The following SLC26A9 variants were observed in gnomAD, a reference collection of about 807,000 sequenced individuals.
The protein encoded by SLC26A9 is anion transporter/exchanger protein 9.
A neutral mutation model predicts 87.1 loss-of-function variants in SLC26A9; 46 were observed. The ratio of observed to expected loss-of-function variants is 0.53; its 90% confidence interval spans 0.42 to 0.67. The LOEUF (loss-of-function observed/expected upper bound fraction) is 0.67. Ranked by LOEUF, SLC26A9 falls within the 30% of genes least tolerant of loss-of-function variation. The probability of loss-of-function intolerance (pLI) is 0.00; values close to 1 mark genes in which losing one functional copy is unlikely to be tolerated. For synonymous variants in SLC26A9, 437 were observed against 409.1 expected, an observed-to-expected ratio of 1.07 and a Z score of -0.82; for missense variants, 927 against 1,018.3, an observed-to-expected ratio of 0.91 and a Z score of 1.22.
intron 1 of SLC26A9, among the ~76,000 whole-genome samples, chr1:205,942,938 G>A (rs1168302447): frequency 6.6e-6 from 1 of 152,234 alleles, no homozygotes; most frequent in Non-Finnish European, 1.5e-5. Flanking sequence ...AGACAGCCAT[G>A]CAGAGTAGGC....
rs889976601 is a variant in SLC26A9, at chr1:205,913,997, G to C, written c.*1360C>G. ...GATGAGAGGCCAGAAGATTTTCTGT[G>C]CATTTCCACTGAAATTTTACAAAAC... On this transcript the variant is annotated 3_prime_UTR_variant, in exon 21 of 21. Coordinates refer to ENST00000367135, the MANE Select transcript of SLC26A9 (RefSeq NM_052934.4). 3.3e-5 allele frequency: 5 copies of C among 152,172 alleles called. No individual in the cohort carries two copies. Among genetic ancestry groups the C allele is most frequent in the African/African-American group, 1.2e-4 (5 of 41,432 alleles). The allele number at this position is 152,172 out of a possible 1,614,324, so 9.4% of individuals were successfully genotyped here. A position where few individuals can be genotyped will look rare whatever the true frequency, so the allele number is the denominator to read the frequency against.
chr1:205,915,400 A>C lies in SLC26A9; in HGVS notation c.2333T>G (p.Met778Arg). 1 of 1,613,994 alleles carries C rather than the reference A, an allele frequency of 6.2e-7. No individual in the cohort carries two copies. The highest frequency in any genetic ancestry group is 2.2e-5 in the East Asian group (1 of 44,870). ...CTCTGCGTGAAACATGCTCCCGAAC[A>C]TCTCCTGCAGGAACCACAGGAAGGA... Reference protein sequence around the residue: ...IRSYWDLEQEMFGSMFHAETL... With the variant: ...IRSYWDLEQERFGSMFHAETL... The change falls in exon 21 of 21, where the codon ATG becomes AGG. Residue 778 changes from methionine to arginine, a missense_variant. Met to Arg is a moderately conservative substitution (Grantham distance 91). Coordinates refer to ENST00000367135, the MANE Select transcript of SLC26A9 (RefSeq NM_052934.4).
At chr1:205,926,758 C>A in intron 11 of SLC26A9, 128 bp from the exon 12 acceptor site, 1 of 756,712 alleles carries the variant, frequency 1.3e-6, no homozygotes, top group South Asian at 1.6e-5. Flanking sequence ...GGCTGATCCC[C>A]CAAATCTCTG....
chr1:205,928,681 C>A, intron 8 of SLC26A9, 146 bp downstream of exon 8: 1 of 736,870 alleles, frequency 1.4e-6, no homozygotes, highest in East Asian at 2.7e-5. Flanking sequence ...TCTCAGGAAA[C>A]GGTAATAGTA....
rs554588862 is a variant in SLC26A9 at position 205,928,055 on chromosome 1, G to A, written c.954-6C>T. 5.4e-5 allele frequency: 87 copies of A among 1,612,974 alleles called. 1 individual carries two copies. The South Asian group carries it at 8.7e-4, about 16-fold the overall frequency. On this transcript the variant is annotated splice_region_variant and splice_polypyrimidine_tract_variant and intron_variant, in intron 8 of 20. Transcript: ENST00000367135. ...GCGACACCGGGGTGGGGAACCTGCC[G>A]AGGAGCCAGGAAGGAGGCAGAACCC...
chr1:205,936,718 A>T (rs982494710), intron 1 of SLC26A9, among the ~76,000 whole-genome samples: 3 of 151,710 alleles, frequency 2.0e-5, no homozygotes, highest in Non-Finnish European at 4.4e-5. Flanking sequence ...AGAGATGGGG[A>T]AGGCTTAGAG....
intron 5 of SLC26A9, among the ~76,000 whole-genome samples, chr1:205,930,726 G>A (rs1282830107): frequency 1.3e-5 from 2 of 152,088 alleles, no homozygotes; most frequent in Admixed American, 6.5e-5. Flanking sequence ...CTTTGCCTGC[G>A]CAGATCACAC....
At chr1:205,936,660 T>C (rs1166693178) in intron 1 of SLC26A9, among the ~76,000 whole-genome samples, 1 of 151,864 alleles carries the variant, frequency 6.6e-6, no homozygotes, top group East Asian at 1.9e-4. Flanking sequence ...CTCCCAGAGC[T>C]GGGAGAAGTT....
intron 2 of SLC26A9, among the ~76,000 whole-genome samples, chr1:205,934,561 ACATTCATT>A: frequency 6.6e-6 from 1 of 152,220 alleles, no homozygotes; most frequent in East Asian, 1.9e-4. Context: ...AGCTTTCTAG[ACATTCATT>A]CATTCATTCA....
At chr1:205,938,987 C>G (rs1659630421) in intron 1 of SLC26A9, among the ~76,000 whole-genome samples, 1 of 152,222 alleles carries the variant, frequency 6.6e-6, no homozygotes, top group Admixed American at 6.5e-5. Context: ...GGAGTCCCCT[C>G]TGACACAGGC....
At chr1:205,929,173 C>A in intron 7 of SLC26A9, 31 bp downstream of exon 7, 2 of 1,597,612 alleles carry the variant, frequency 1.3e-6, no homozygotes, top group South Asian at 1.1e-5. Flanking sequence ...GCCTGGCCCC[C>A]CAACATCCCA....
In SLC26A9 at chr1:205,932,757, G is replaced by A. The variant is rs777792194; in HGVS notation, c.321C>T (p.Ser107=). 2.5e-6 allele frequency: 4 copies of A among 1,599,940 alleles called. No individual in the cohort carries two copies. The highest frequency in any genetic ancestry group is 1.1e-5 in the South Asian group (1 of 87,846). ...AGAAGTAGGTCAGGAGGGGGAAGAA[G>A]GAGGAGTAGAGGCCATTGACTGCAG... ...NLPAVNGLYS[S]FFPLLTYFFL... Residue 107 remains serine (S), a synonymous_variant, in exon 4 of 21, where the codon TCC becomes TCT. Coordinates refer to ENST00000367135, the MANE Select transcript of SLC26A9 (RefSeq NM_052934.4).
Position 205,932,745 on chromosome 1 carries a change from G to A in SLC26A9, c.333C>T (p.Leu111=), listed in dbSNP as rs942832733. 2 of 1,597,134 alleles carry A rather than the reference G, an allele frequency of 1.3e-6. No individual in the cohort carries two copies. Among genetic ancestry groups the A allele is most frequent in the African/African-American group, 2.7e-5 (2 of 74,510 alleles). The change falls in exon 4 of 21, where the codon CTC becomes CTT. Residue 111 remains leucine (L), a synonymous_variant. Transcript: ENST00000367135. ...CACCCCCCAGGAAGAAGTAGGTCAGGAGGGGGAAGAAGGAGGAGTAGAGGC... is the reference window on the plus strand; with the variant it reads ...CACCCCCCAGGAAGAAGTAGGTCAGAAGGGGGAAGAAGGAGGAGTAGAGGC... ...VNGLYSSFFP[L]LTYFFLGGVH...
At chr1:205,931,714 T>C (rs1659314844) in intron 5 of SLC26A9, 146 bp downstream of exon 5, 5 of 1,085,264 alleles carry the variant, frequency 4.6e-6, no homozygotes, top group Non-Finnish European at 6.4e-6. Context: ...TGATCCACCC[T>C]CCTCAGCCTC....
intron 20 of SLC26A9, among the ~76,000 whole-genome samples, chr1:205,916,249 A>G (rs1402964661): frequency 6.6e-6 from 1 of 152,166 alleles, no homozygotes; most frequent in African/African-American, 2.4e-5. Flanking sequence ...GGCATGCACC[A>G]CTACGCCTGG....
chr1:205,935,523 G>A (rs963124480), intron 2 of SLC26A9, 173 bp downstream of exon 2: 27 of 970,876 alleles, frequency 2.8e-5, no homozygotes, highest in Non-Finnish European at 3.8e-5. Flanking sequence ...CCTCCCTGGG[G>A]GTCTCAGTAC....
intron 16 of SLC26A9, 105 bp downstream of exon 16, chr1:205,922,977 C>T (rs1658903447): frequency 2.2e-6 from 2 of 926,850 alleles, no homozygotes; most frequent in South Asian, 1.4e-5. Flanking sequence ...CTGTCTTTGC[C>T]TGTCAGGGTG....
chr1:205,932,130 G>T, intron 4 of SLC26A9, 95 bp from the exon 5 acceptor site: 1 of 1,452,420 alleles, frequency 6.9e-7, no homozygotes, highest in Non-Finnish European at 9.4e-7. Flanking sequence ...ACCCCAGGGG[G>T]ATGGATCCCT....
chr1:205,942,348 G>A (rs1401622447), intron 1 of SLC26A9, among the ~76,000 whole-genome samples: 5 of 152,158 alleles, frequency 3.3e-5, no homozygotes, highest in African/African-American at 4.8e-5. Flanking sequence ...CCAGGATGAG[G>A]GAGGTGGGGG....
Sources: allele counts gnomAD v4.1 joint callset (sites outside exome capture counted in the v4.1 genomes callset), GRCh38; gene constraint gnomAD v4.1.1; transcripts MANE v1.5; gene names NCBI Gene and HGNC (gene_info 2026-07-23, HGNC 2026-07-21).